The following LRP5 variants were observed in gnomAD, a reference collection of about 807,000 sequenced individuals.
LRP5 encodes the protein LDL receptor related protein 5.
In LRP5, 62 loss-of-function variants were observed where a neutral mutation model predicts 154.1. The observed-to-expected ratio is 0.40, with a 90% confidence interval of 0.33 to 0.50. The LOEUF is 0.50. Ranked by LOEUF, LRP5 falls within the 20% of genes least tolerant of loss-of-function variation. The pLI is 0.55. For synonymous variants in LRP5, 966 were observed against 1,011.5 expected (o/e 0.96, Z 0.85); for missense variants, 1,915 against 2,336.7 (o/e 0.82, Z 3.72).
At position 68,336,342 on chromosome 11, in the gene LRP5, C is replaced by T. The variant is rs141135280; in HGVS notation, c.92-11505C>T. ...TCAAAATGTTGTGTACATGCCTTAG[C>T]GACCAACCCACATTTAAAACAAATT... On this transcript the variant is annotated intron_variant, in intron 1 of 22. Transcript: ENST00000294304. Among the ~76,000 whole-genome samples the T allele has an allele frequency of 4.6e-5, 7 of 152,302 alleles. No individual in the cohort carries two copies. The East Asian group carries it at 7.7e-4, about 17-fold the overall frequency.
At chr11:68,331,387 G>A (rs1221482762) in intron 1 of LRP5, among the ~76,000 whole-genome samples, 2 of 152,210 alleles carry the variant, frequency 1.3e-5, no homozygotes, top group Non-Finnish European at 2.9e-5. Flanking sequence ...TCCCTTGTGG[G>A]GCCAGGCCCT....
chr11:68,356,009 T>G (rs1353274598), intron 2 of LRP5, among the ~76,000 whole-genome samples: 1 of 151,870 alleles, frequency 6.6e-6, no homozygotes, highest in Non-Finnish European at 1.5e-5. Context: ...CCGGCTAATT[T>G]TTTTTTTTGT....
chr11:68,374,255 G>T (rs563759701), intron 5 of LRP5, among the ~76,000 whole-genome samples: 1 of 152,340 alleles, frequency 6.6e-6, no homozygotes, highest in South Asian at 2.1e-4. Flanking sequence ...CAGGAAGCAG[G>T]GCCCGCTCAG....
chr11:68,321,005 C>T (rs2098596422), intron 1 of LRP5, among the ~76,000 whole-genome samples: 1 of 148,026 alleles, frequency 6.8e-6, no homozygotes, highest in South Asian at 2.1e-4. Flanking sequence ...CCATTATTTT[C>T]TTCCAGGACT....
At chr11:68,365,549 C>A in intron 4 of LRP5, 22 bp from the exon 5 acceptor site, 1 of 1,613,700 alleles carries the variant, frequency 6.2e-7, no homozygotes, top group Non-Finnish European at 8.5e-7. Flanking sequence ...AACCTTCTCT[C>A]ACTCTGTCCT....
chr11:68,341,059 C>CTTTTTTTTTTTTTTTTTTTTTTT (rs576462333), intron 1 of LRP5, among the ~76,000 whole-genome samples: 10 of 83,474 alleles, frequency 1.2e-4, no homozygotes, highest in African/African-American at 1.9e-4. Context: ...GGAGATTGTT[C>CTTTTTTTTTTTTTTTTTTTTTTT]TTTTTTTTTT....
At position 68,348,236 on chromosome 11, in the gene LRP5, G is replaced by C; in HGVS notation, c.481G>C (p.Ala161Pro). The change falls in exon 2 of 23, where the codon GCT becomes CCT. Residue 161 changes from alanine (A) to proline (P), a missense_variant. By Grantham distance (27) the Ala-to-Pro change is conservative. This residue lies in a region of LRP5 where 773 missense variants were observed against 1,100.9 expected (regional missense o/e 0.70). Transcript: ENST00000294304. ...GCCGAGGGCCATCGCCTTGGACCCC[G>C]CTCACGGGTAAACCCTGCTGCGACT... Reference protein sequence around the residue: ...DQPRAIALDPAHGYMYWTDWG... With the variant: ...DQPRAIALDPPHGYMYWTDWG... 6.2e-7 allele frequency: 1 copy of C among 1,605,420 alleles called. No homozygotes were observed. Among genetic ancestry groups the C allele is most frequent in the Admixed American group, 1.7e-5 (1 of 60,034 alleles).
In LRP5 at chr11:68,438,631, G is replaced by T. The variant is rs199871539; in HGVS notation, c.4297G>T (p.Val1433Leu). 13 of 1,613,630 alleles carry T rather than the reference G, an allele frequency of 8.1e-6. No homozygotes were observed. Among genetic ancestry groups the T allele is most frequent in the Non-Finnish European group, 1.1e-5 (13 of 1,179,960 alleles). Residue 1433 changes from valine (V) to leucine (L), a missense_variant, in exon 20 of 23, where the codon GTG becomes TTG. Physicochemically the swap from Val to Leu is conservative, Grantham distance 32. Coordinates refer to ENST00000294304, the MANE Select transcript of LRP5 (RefSeq NM_002335.4). Reference sequence around the variant, plus strand: ...CGAGTATGTCAGCGGGACCCCGCACGTGCCCCTCAATTTCATAGCCCCGGG... The same window carrying T: ...CGAGTATGTCAGCGGGACCCCGCACTTGCCCCTCAATTTCATAGCCCCGGG... Reference protein sequence around the residue: ...PHEYVSGTPHVPLNFIAPGGS... With the variant: ...PHEYVSGTPHLPLNFIAPGGS...
intron 5 of LRP5, among the ~76,000 whole-genome samples, chr11:68,384,847 G>A (rs907059903): frequency 6.6e-6 from 1 of 152,238 alleles, no homozygotes; most frequent in Non-Finnish European, 1.5e-5. Context: ...CGTGCGTCCT[G>A]TGGAGTGGGT....
At chr11:68,308,263 G>A (rs1457935775), upstream of LRP5, among the ~76,000 whole-genome samples, 2 of 152,220 alleles carry the variant, frequency 1.3e-5, no homozygotes, top group East Asian at 3.8e-4. Flanking sequence ...GTTGGGGGGG[G>A]CTCTTGTGCC....
At position 68,386,824 on chromosome 11, in the gene LRP5, G is replaced by A; in HGVS notation, c.1412+112G>A. On this transcript the variant is annotated intron_variant, in intron 6 of 22. Transcript: ENST00000294304. The surrounding 1 kb of genome is among the most constrained non-coding windows in gnomAD (Gnocchi z 7.9). Reference sequence around the variant, plus strand: ...ACACTGTCTTGCATCAGAACCCGGAGGAGGGCTTGTTAAAACACCGGCAGC... The same window carrying A: ...ACACTGTCTTGCATCAGAACCCGGAAGAGGGCTTGTTAAAACACCGGCAGC... The A allele has an allele frequency of 7.8e-7, 1 of 1,284,840 alleles. No homozygotes were observed. The highest frequency in any genetic ancestry group is 1.1e-6 in the Non-Finnish European group (1 of 951,532). The allele number at this position is 1,284,840 out of a possible 1,614,324, so 79.6% of individuals were successfully genotyped here. A position where few individuals can be genotyped will look rare whatever the true frequency, so the allele number is the denominator to read the frequency against.
chr11:68,375,257 G>A (rs1394944076), intron 5 of LRP5, among the ~76,000 whole-genome samples: 1 of 152,212 alleles, frequency 6.6e-6, no homozygotes, highest in South Asian at 2.1e-4. Flanking sequence ...GTCAGTGATA[G>A]AAGACACGGC....
intron 7 of LRP5, among the ~76,000 whole-genome samples, chr11:68,393,937 C>T (rs79456497): frequency 0.13 from 19,512 of 152,134 alleles, 1,699 homozygotes; most frequent in Admixed American, 0.27. Flanking sequence ...CTTTGAGATA[C>T]GTCGCACAGT....
intron 21 of LRP5, among the ~76,000 whole-genome samples, chr11:68,443,853 T>G (rs2098679985): frequency 6.6e-6 from 1 of 151,312 alleles, no homozygotes; most frequent in Non-Finnish European, 1.5e-5. Flanking sequence ...AGACGGGGGT[T>G]TCTCCATGTT....
chr11:68,368,342 G>A (rs1310910272), intron 5 of LRP5, among the ~76,000 whole-genome samples: 2 of 152,226 alleles, frequency 1.3e-5, no homozygotes, highest in African/African-American at 4.8e-5. Flanking sequence ...GCCTGAGCCG[G>A]CAGGTCAGAG....
chr11:68,442,668 G>A (rs556238920), intron 21 of LRP5, among the ~76,000 whole-genome samples: 19 of 152,358 alleles, frequency 1.2e-4, no homozygotes, highest in African/African-American at 4.6e-4. Flanking sequence ...AAAAGCTGCT[G>A]TTCTGAGCAT....
chr11:68,311,960 G>A (rs2098588162), upstream of LRP5, among the ~76,000 whole-genome samples: 1 of 152,246 alleles, frequency 6.6e-6, no homozygotes, highest in South Asian at 2.1e-4. Flanking sequence ...GTGGGCAAGA[G>A]GCCCTGGCGG....
At chr11:68,415,590 A>G (rs1486520511) in intron 12 of LRP5, among the ~76,000 whole-genome samples, 1 of 150,008 alleles carries the variant, frequency 6.7e-6, no homozygotes, top group Non-Finnish European at 1.5e-5. Context: ...TACTAAAAAT[A>G]CAAAATTAGC....
At chr11:68,331,934 GT>G (rs1441974566) in intron 1 of LRP5, among the ~76,000 whole-genome samples, 1 of 152,180 alleles carries the variant, frequency 6.6e-6, no homozygotes, top group Non-Finnish European at 1.5e-5. Flanking sequence ...TGAGGTGTGT[GT>G]GGGGAGTGGG....
Sources: allele counts gnomAD v4.1 joint callset (sites outside exome capture counted in the v4.1 genomes callset), GRCh38; gene constraint gnomAD v4.1.1; regional missense constraint gnomAD v4.1.1; non-coding constraint Gnocchi (gnomAD v3.1); transcripts MANE v1.5; gene names NCBI Gene and HGNC (gene_info 2026-07-23, HGNC 2026-07-21).